Variants in WDR70 observed in about 807,000 individuals in gnomAD.
WDR70 encodes WD repeat domain 70, also known as WD repeat-containing protein 70.
A neutral mutation model predicts 88.6 loss-of-function variants in WDR70; 53 were observed. The ratio of observed to expected loss-of-function variants is 0.60; its 90% CI spans 0.48 to 0.75. The LOEUF (loss-of-function observed/expected upper bound fraction) is 0.75, where lower values mean the gene tolerates loss of function less well. Among genes scored for constraint, WDR70 ranks in the 30% least tolerant of loss-of-function variants. The pLI is 0.00. For missense variants in WDR70, 610 were observed against 823.2 expected (o/e 0.74, Z 3.17); for synonymous variants, 280 against 270.0 (o/e 1.04, Z -0.36).
chr5:37,725,700 A>G (rs1273346272), intron 16 of WDR70, among the ~76,000 whole-genome samples: 2 of 152,076 alleles, frequency 1.3e-5, no homozygotes, highest in African/African-American at 4.8e-5. Flanking sequence ...ACACCGTCCT[A>G]ACTAAAGTTT....
At chr5:37,652,401 AG>A (rs1264914524) in intron 10 of WDR70, among the ~76,000 whole-genome samples, 1 of 152,234 alleles carries the variant, frequency 6.6e-6, no homozygotes, top group African/African-American at 2.4e-5. Context: ...CTTTTTGCTT[AG>A]GATTGCCTTG....
At chr5:37,656,938 G>A (rs1191510655) in intron 10 of WDR70, among the ~76,000 whole-genome samples, 2 of 152,162 alleles carry the variant, frequency 1.3e-5, no homozygotes, top group Non-Finnish European at 2.9e-5. Flanking sequence ...GAGTTCCATG[G>A]GGGCGGGATC....
intron 10 of WDR70, among the ~76,000 whole-genome samples, chr5:37,626,541 G>A (rs926105819): frequency 1.3e-5 from 2 of 152,168 alleles, no homozygotes; most frequent in Admixed American, 6.6e-5. Flanking sequence ...TTTTGCAACA[G>A]TGTTCATCAG....
intron 9 of WDR70, among the ~76,000 whole-genome samples, chr5:37,535,812 A>G (rs1741649077): frequency 6.6e-6 from 1 of 152,198 alleles, no homozygotes. Context: ...ATTCTAAATG[A>G]AGAAACTGAT....
At chr5:37,686,150 A>G (rs1246397830) in intron 10 of WDR70, among the ~76,000 whole-genome samples, 2 of 145,860 alleles carry the variant, frequency 1.4e-5, no homozygotes, top group East Asian at 2.1e-4. Context: ...CCAGCTCTAC[A>G]AAATAAAAGT....
intron 9 of WDR70, among the ~76,000 whole-genome samples, chr5:37,534,750 A>G (rs1051028798): frequency 1.3e-5 from 2 of 152,128 alleles, no homozygotes; most frequent in East Asian, 3.9e-4. Flanking sequence ...AAGTTCTGGG[A>G]TTACAGGCAT....
intron 9 of WDR70, among the ~76,000 whole-genome samples, chr5:37,577,144 A>G (rs1743083445): frequency 6.6e-6 from 1 of 152,202 alleles, no homozygotes. Context: ...ATAGCTCCCA[A>G]TCTAGTCAGG....
chr5:37,703,196 G>A lies in WDR70; in HGVS notation c.1416+109G>A, dbSNP rs749820217. On this transcript the variant is annotated intron_variant, in intron 13 of 17. Transcript: ENST00000265107. Reference sequence around the variant, plus strand: ...ATATAAGCCCTGGCCCTTAGAGCACGGTGATAGCTGCTTTTCACTCTAGCG... The same window carrying A: ...ATATAAGCCCTGGCCCTTAGAGCACAGTGATAGCTGCTTTTCACTCTAGCG... The A allele has an allele frequency of 7.5e-5, 99 of 1,326,336 alleles. No individual in the cohort carries two copies. In the Middle Eastern group the frequency reaches 7.8e-4, roughly 10 times the overall value. The allele number at this position is 1,326,336 out of a possible 1,614,324, so 82.2% of individuals were successfully genotyped here. A position where few individuals can be genotyped will look rare whatever the true frequency, so the allele number is the denominator to read the frequency against.
chr5:37,506,306 T>C (rs1342889839), intron 8 of WDR70: 2 of 928,810 alleles, frequency 2.2e-6, no homozygotes, highest in East Asian at 2.4e-5. Flanking sequence ...TTGCCACTTC[T>C]AGGTGTTCAA....
In WDR70 at chr5:37,650,396, G is replaced by A. The variant is rs571013397; in HGVS notation, c.1092+45158G>A. 3.3e-5 allele frequency among the ~76,000 whole-genome samples: 5 copies of A among 151,604 alleles called. No homozygotes were observed. The South Asian group carries it at 6.3e-4, about 19-fold the overall frequency. ...AGCCTGGGCGACAGAGTGAGAGTCC[G>A]TCAAAAAAAAGAAAGAGAAAGAAAA... On this transcript the variant is annotated intron_variant, in intron 10 of 17. Transcript: ENST00000265107.
At position 37,731,804 on chromosome 5, in the gene WDR70, G is replaced by A. The variant is rs190860400; in HGVS notation, c.1877+4759G>A. ...CTTTGCTGATTATTCATTGATATTA[G>A]CAACGTATAATATAGCAGTATTAGC... On this transcript the variant is annotated intron_variant, in intron 17 of 17. Coordinates refer to ENST00000265107, the MANE Select transcript of WDR70 (RefSeq NM_018034.4). Among the ~76,000 whole-genome samples, 14 of 152,152 alleles carry A rather than the reference G, an allele frequency of 9.2e-5. No homozygotes were observed. The East Asian group carries it at 2.5e-3, about 27-fold the overall frequency.
chr5:37,598,310 A>G (rs1184550816), intron 9 of WDR70, among the ~76,000 whole-genome samples: 1 of 152,236 alleles, frequency 6.6e-6, no homozygotes. Flanking sequence ...ACACACAGAC[A>G]TAAAGTGTCA....
At chr5:37,585,490 C>G (rs978153664) in intron 9 of WDR70, among the ~76,000 whole-genome samples, 4 of 152,162 alleles carry the variant, frequency 2.6e-5, no homozygotes, top group African/African-American at 9.7e-5. Flanking sequence ...TCTCAGTGCC[C>G]TCTTGAGAAG....
Position 37,379,324 on chromosome 5 carries a change from G to A in WDR70, c.-44G>A. On this transcript the variant is annotated 5_prime_UTR_variant, in exon 1 of 18. Coordinates refer to ENST00000265107, the MANE Select transcript of WDR70 (RefSeq NM_018034.4). Reference sequence around the variant, plus strand: ...GTTATTGGCAAGTTCCCCTGCAGTTGTTTGGGCTGTCCCTGTGGCTGGTTC... The same window carrying A: ...GTTATTGGCAAGTTCCCCTGCAGTTATTTGGGCTGTCCCTGTGGCTGGTTC... The A allele has an allele frequency of 6.2e-7, 1 of 1,612,632 alleles. No homozygotes were observed. The highest frequency in any genetic ancestry group is 1.1e-5 in the South Asian group (1 of 91,006).
chr5:37,618,906 G>C (rs1301304149), intron 10 of WDR70, among the ~76,000 whole-genome samples: 1 of 152,126 alleles, frequency 6.6e-6, no homozygotes, highest in Non-Finnish European at 1.5e-5. Flanking sequence ...GTAAATTCCT[G>C]GACAAGGGTT....
chr5:37,616,979 G>C (rs1744362641), intron 10 of WDR70, among the ~76,000 whole-genome samples: 1 of 152,064 alleles, frequency 6.6e-6, no homozygotes, highest in South Asian at 2.1e-4. Context: ...ATGCCTATTT[G>C]CATCAGTAGT....
intron 7 of WDR70, among the ~76,000 whole-genome samples, chr5:37,473,940 T>G (rs1045829756): frequency 5.3e-5 from 8 of 152,224 alleles, no homozygotes; most frequent in African/African-American, 1.9e-4. Context: ...AAACAGTTTT[T>G]TTGTAATATA....
At chr5:37,503,562 C>T (rs1178011275) in intron 8 of WDR70, among the ~76,000 whole-genome samples, 1 of 152,140 alleles carries the variant, frequency 6.6e-6, no homozygotes, top group African/African-American at 2.4e-5. Flanking sequence ...GGATAATGGC[C>T]TCCAGCTCCA....
In WDR70 at chr5:37,530,560, A is replaced by G. The variant is rs182408853; in HGVS notation, c.917+13970A>G. Among the ~76,000 whole-genome samples, 1,308 of 151,952 alleles carry G rather than the reference A, an allele frequency of 8.6e-3. 19 individuals carry two copies. The highest frequency in any genetic ancestry group is 0.03 in the African/African-American group (1,244 of 41,410). On this transcript the variant is annotated intron_variant, in intron 9 of 17. Transcript: ENST00000265107. ...GTTATATATTTGGAGGAATTTATCC[A>G]TCGCCTCTAGTTTTTCTAGTTTATG... is the stretch of plus-strand genomic sequence containing the variant.
Sources: gnomAD v4.1 joint callset for allele counts (sites outside exome capture counted in the v4.1 genomes callset) on GRCh38, gnomAD v4.1.1 for gene constraint, MANE v1.5 for transcripts, NCBI Gene and HGNC (gene_info 2026-07-23, HGNC 2026-07-21) for gene names.